IL1RAPL2: variants seen among roughly 807,000 people sequenced by gnomAD.
IL1RAPL2 encodes the protein interleukin 1 receptor accessory protein like 2.
Under a neutral mutation model 44.1 loss-of-function variants are expected in IL1RAPL2, and 3 were observed. The observed-to-expected ratio is 0.07, with a 90% CI of 0.03 to 0.18. The LOEUF (loss-of-function observed/expected upper bound fraction) is 0.18. Among genes scored for constraint, IL1RAPL2 ranks in the 10% least tolerant of loss-of-function variants. The pLI, the probability that IL1RAPL2 is intolerant of heterozygous loss-of-function variation, is 1.00. For missense variants in IL1RAPL2, 391 were observed against 496.4 expected (o/e 0.79, Z 2.02); for synonymous variants, 181 against 178.8 (o/e 1.01, Z -0.10).
At chrX:104,897,221 A>G (rs1923679204) in intron 2 of IL1RAPL2, among the ~76,000 whole-genome samples, 1 of 112,105 alleles carries the variant, frequency 8.9e-6, no homozygotes. Context: ...TGAAGGCTCA[A>G]GAGAGCTGGA....
chrX:105,276,180 C>T (rs979488428), intron 5 of IL1RAPL2, among the ~76,000 whole-genome samples: 42 of 112,091 alleles, frequency 3.7e-4, no homozygotes, highest in Middle Eastern at 4.6e-3. Flanking sequence ...CCGGGATGGG[C>T]GGATCACCTG....
At chrX:104,819,442 C>T (rs941962066) in intron 2 of IL1RAPL2, among the ~76,000 whole-genome samples, 1 of 111,836 alleles carries the variant, frequency 8.9e-6, no homozygotes, top group East Asian at 2.8e-4. Context: ...AGAAACTGTC[C>T]GGAAAAGCAT....
At chrX:104,887,928 C>T (rs774833935) in intron 2 of IL1RAPL2, among the ~76,000 whole-genome samples, 2 of 111,418 alleles carry the variant, frequency 1.8e-5, no homozygotes, top group Non-Finnish European at 3.8e-5. Context: ...GGCACTTACC[C>T]GAGCCTTAGA....
intron 2 of IL1RAPL2, among the ~76,000 whole-genome samples, chrX:104,828,648 C>T (rs941398899): frequency 2.7e-5 from 3 of 112,212 alleles, no homozygotes; most frequent in African/African-American, 9.7e-5. Flanking sequence ...TAGCAGAGCT[C>T]GAGCGTTGTG....
intron 2 of IL1RAPL2, among the ~76,000 whole-genome samples, chrX:104,895,438 T>G (rs1905668379): frequency 8.9e-6 from 1 of 112,547 alleles, no homozygotes; most frequent in South Asian, 3.6e-4. Flanking sequence ...TCCACCCAGT[T>G]CAAGCTTCCT....
At chrX:105,581,606 TA>T (rs2037089420) in intron 6 of IL1RAPL2, among the ~76,000 whole-genome samples, 1 of 111,775 alleles carries the variant, frequency 8.9e-6, no homozygotes, top group Non-Finnish European at 1.9e-5. Flanking sequence ...AGGCTGTGTC[TA>T]ATTTTTCAAT....
chrX:104,663,715 T>C (rs1430095395), intron 2 of IL1RAPL2, among the ~76,000 whole-genome samples: 2 of 105,821 alleles, frequency 1.9e-5, no homozygotes, highest in Non-Finnish European at 3.9e-5. Flanking sequence ...GGTTAGGTCA[T>C]TGGAAGTGAT....
chrX:105,648,363 C>A (rs1030224641), intron 6 of IL1RAPL2, among the ~76,000 whole-genome samples: 1 of 111,608 alleles, frequency 9.0e-6, no homozygotes, highest in Non-Finnish European at 1.9e-5. Flanking sequence ...GCTTAACTTG[C>A]TAGGAATATG....
In IL1RAPL2 at chrX:105,599,130, T is replaced by C. The variant is rs754449393; in HGVS notation, c.772+114743T>C. 2.7e-5 allele frequency among the ~76,000 whole-genome samples: 3 copies of C among 112,471 alleles called. No homozygotes were observed. The South Asian group carries it at 1.1e-3, about 41-fold the overall frequency. ...AGTATGGGTCAAGCCACTTATGTCC[T>C]ACATAATTCATATATTATTTCTAAT... On this transcript the variant is annotated intron_variant, in intron 6 of 10. Coordinates refer to ENST00000372582, the MANE Select transcript of IL1RAPL2 (RefSeq NM_017416.2).
At chrX:105,152,845 C>G (rs1295607342) in intron 2 of IL1RAPL2, among the ~76,000 whole-genome samples, 1 of 111,976 alleles carries the variant, frequency 8.9e-6, no homozygotes, top group Non-Finnish European at 1.9e-5. Context: ...CCTCTGTTTG[C>G]TCTTCTGTCA....
chrX:105,585,106 C>G (rs1257086442), intron 6 of IL1RAPL2, among the ~76,000 whole-genome samples: 1 of 109,706 alleles, frequency 9.1e-6, no homozygotes, highest in Non-Finnish European at 1.9e-5. Context: ...TATCTCCTGT[C>G]TTTCCTCATG....
chrX:105,380,594 C>T (rs2035422290), intron 5 of IL1RAPL2, among the ~76,000 whole-genome samples: 1 of 111,725 alleles, frequency 9.0e-6, no homozygotes. Flanking sequence ...TGTTCCATAG[C>T]TCTCTCTACT....
intron 2 of IL1RAPL2, among the ~76,000 whole-genome samples, chrX:104,762,141 G>A (rs936757927): frequency 1.0e-4 from 11 of 109,009 alleles, no homozygotes; most frequent in East Asian, 5.8e-4. Context: ...GGGATTACAG[G>A]TGCCCACCAC....
At chrX:105,060,585 C>CTTTTTTTTTTTTTTTTTTT (rs1161187469) in intron 2 of IL1RAPL2, among the ~76,000 whole-genome samples, 3 of 70,166 alleles carry the variant, frequency 4.3e-5, no homozygotes, top group African/African-American at 6.1e-5. Flanking sequence ...TTTTCTTTTT[C>CTTTTTTTTTTTTTTTTTTT]TTTTTTTTTT....
intron 5 of IL1RAPL2, among the ~76,000 whole-genome samples, chrX:105,478,467 C>A (rs1468433394): frequency 9.0e-6 from 1 of 111,043 alleles, no homozygotes; most frequent in Non-Finnish European, 1.9e-5. Flanking sequence ...TTCATTCAGC[C>A]TGTCATTCTG....
chrX:105,032,744 G>A (rs150310127), intron 2 of IL1RAPL2, among the ~76,000 whole-genome samples: 4,280 of 110,985 alleles, frequency 0.039, 227 homozygotes, highest in African/African-American at 0.13. Flanking sequence ...TATTAGGTTC[G>A]CTTGGTACAG....
intron 1 of IL1RAPL2, among the ~76,000 whole-genome samples, chrX:104,569,595 G>A (rs1040600498): frequency 1.8e-5 from 2 of 112,193 alleles, no homozygotes; most frequent in African/African-American, 6.5e-5. Flanking sequence ...GCTTTAAAAA[G>A]ACATGCTGTA....
chrX:105,319,823 G>A (rs1329294128), intron 5 of IL1RAPL2, among the ~76,000 whole-genome samples: 1 of 111,996 alleles, frequency 8.9e-6, no homozygotes, highest in African/African-American at 3.2e-5. Context: ...ATGGGAGTCT[G>A]ATCTTGATAG....
At chrX:105,290,807 A>T (rs2034606965) in intron 5 of IL1RAPL2, among the ~76,000 whole-genome samples, 1 of 111,871 alleles carries the variant, frequency 8.9e-6, no homozygotes, top group South Asian at 3.7e-4. Context: ...TCCTGACACT[A>T]GACAGGTGAT....
Sources: allele counts gnomAD v4.1 joint callset (sites outside exome capture counted in the v4.1 genomes callset), GRCh38; gene constraint gnomAD v4.1.1; transcripts MANE v1.5; gene names NCBI Gene and HGNC (gene_info 2026-07-23, HGNC 2026-07-21).